PLA2G6: variants seen among roughly 807,000 people sequenced by gnomAD.
The protein encoded by PLA2G6 is 85/88 kDa calcium-independent phospholipase A2.
Under a neutral mutation model 83.8 loss-of-function variants are expected in PLA2G6, and 62 were observed. That is an observed-to-expected ratio of 0.74 (90% CI 0.60 to 0.91). The LOEUF (loss-of-function observed/expected upper bound fraction) is 0.91, where lower values mean the gene tolerates loss of function less well. PLA2G6 is among the 40% of genes least tolerant of loss of function. The pLI is 0.00. For synonymous variants in PLA2G6, 417 were observed against 449.8 expected (o/e 0.93, Z 0.92); for missense variants, 944 against 1,102.0 (o/e 0.86, Z 2.03).
rs1054417394 is a variant in PLA2G6, at chr22:38,132,421, A to T, written c.1077+410T>A. On this transcript the variant is annotated intron_variant, in intron 7 of 16. Coordinates refer to ENST00000332509, the MANE Select transcript of PLA2G6 (RefSeq NM_003560.4). This position sits in a 1 kb window ranked among gnomAD's most constrained non-coding sequence, Gnocchi z 5.0. ...TGCGTGTGTCACTTAGACATTCTGT[A>T]GAGGGTGACCAAGTGTCCACCATAA... The T allele has an allele frequency of 3.0e-5, 10 of 328,362 alleles. No individual in the cohort carries two copies. The highest frequency in any genetic ancestry group is 2.2e-4 in the African/African-American group (10 of 46,316). The allele number at this position is 328,362 out of a possible 1,614,324, so 20.3% of individuals were successfully genotyped here.
chr22:38,160,933 T>C (rs2089985008), intron 2 of PLA2G6, among the ~76,000 whole-genome samples: 1 of 152,192 alleles, frequency 6.6e-6, no homozygotes, highest in Non-Finnish European at 1.5e-5. Flanking sequence ...TGGGGTGCTG[T>C]AATGTCCTAT....
rs185058063 is a variant in PLA2G6 at position 38,174,342 on chromosome 22, G to A, written c.-45-4871C>T. ...GAACCCGGGAGGCGGAGCTTGCAGTGAGCCGAGATCATGTCACTGCACTCC... is the reference window on the plus strand; with the variant it reads ...GAACCCGGGAGGCGGAGCTTGCAGTAAGCCGAGATCATGTCACTGCACTCC... On this transcript the variant is annotated intron_variant, in intron 1 of 16. Coordinates refer to ENST00000332509, the MANE Select transcript of PLA2G6 (RefSeq NM_003560.4). Among the ~76,000 whole-genome samples the A allele has an allele frequency of 3.9e-5, 6 of 152,246 alleles. No homozygotes were observed. The South Asian group carries it at 6.2e-4, about 16-fold the overall frequency.
chr22:38,163,384 G>A (rs2090093026), intron 2 of PLA2G6: 3 of 168,906 alleles, frequency 1.8e-5, no homozygotes, highest in Admixed American at 6.5e-5. Flanking sequence ...CAGCAACCAT[G>A]GATACATCTA....
rs568407851 is a variant in PLA2G6 at position 38,121,283 on chromosome 22, CAGG to C, written c.1592-377_1592-375del. ...CCCAGCTACTCGGGAGGCTGAGAGG[CAGG>C]AGAATCGCTTGAACCCGGGAGCGGA... On this transcript the variant is annotated intron_variant, in intron 11 of 16. Transcript: ENST00000332509. Among the ~76,000 whole-genome samples, 154 of 152,208 alleles carry C rather than the reference CAGG, an allele frequency of 1.0e-3. 1 individual carries two copies. Among genetic ancestry groups the C allele is most frequent in the African/African-American group, 3.3e-3 (139 of 41,532 alleles).
chr22:38,132,069 C>G lies in PLA2G6; in HGVS notation c.1077+762G>C, dbSNP rs971693000. Reference sequence around the variant, plus strand: ...GGCGGAGGTTGTGGTGAGCCGAGATCGCGCCACTGCACTCCAGCCTGGGCG... The same window carrying G: ...GGCGGAGGTTGTGGTGAGCCGAGATGGCGCCACTGCACTCCAGCCTGGGCG... On this transcript the variant is annotated intron_variant, in intron 7 of 16. Coordinates refer to ENST00000332509, the MANE Select transcript of PLA2G6 (RefSeq NM_003560.4). This position sits in a 1 kb window ranked among gnomAD's most constrained non-coding sequence, Gnocchi z 5.0. 1 of 446,692 alleles carries G rather than the reference C, an allele frequency of 2.2e-6. No homozygotes were observed. Among genetic ancestry groups the G allele is most frequent in the African/African-American group, 2.0e-5 (1 of 49,486 alleles). 27.7% of individuals were successfully genotyped at this position (446,692 alleles called of 1,614,324 possible).
chr22:38,138,426 G>A (rs2088686313), intron 5 of PLA2G6: 1 of 152,326 alleles, frequency 6.6e-6, no homozygotes, highest in South Asian at 2.1e-4. Flanking sequence ...CTAGCAAGGT[G>A]GATGCAGCTC....
chr22:38,148,461 A>G, intron 2 of PLA2G6: 6 of 715,102 alleles, frequency 8.4e-6, no homozygotes, highest in Non-Finnish European at 1.3e-5. Flanking sequence ...GCTGGCAGGC[A>G]CTGGATACCT....
rs548987642 is a variant in PLA2G6, at chr22:38,128,548, C to T, written c.1187-118G>A. The stretch of plus-strand genomic sequence containing the variant: ...TGTCCCAGCTCCCAGGCCCTGGGCA[C>T]GTGGGCTGCTCCAGAGGCCTCAGCC... On this transcript the variant is annotated intron_variant, in intron 8 of 16. Coordinates refer to ENST00000332509, the MANE Select transcript of PLA2G6 (RefSeq NM_003560.4). This position sits in a 1 kb window ranked among gnomAD's most constrained non-coding sequence, Gnocchi z 4.4. The T allele has an allele frequency of 3.4e-5, 39 of 1,141,956 alleles. No homozygotes were observed. In the East Asian group the frequency reaches 6.6e-4, roughly 19 times the overall value. 70.7% of individuals were successfully genotyped at this position (1,141,956 alleles called of 1,614,324 possible). A position where few individuals can be genotyped will look rare whatever the true frequency, so the allele number is the denominator to read the frequency against.
At chr22:38,178,641 G>A (rs2090728501) in intron 1 of PLA2G6, among the ~76,000 whole-genome samples, 2 of 152,128 alleles carry the variant, frequency 1.3e-5, no homozygotes, top group African/African-American at 2.4e-5. Flanking sequence ...GAGGCGGGTG[G>A]ATCACTTGAG....
At chr22:38,114,879 C>T (rs894460825) in intron 14 of PLA2G6, among the ~76,000 whole-genome samples, 2 of 152,208 alleles carry the variant, frequency 1.3e-5, no homozygotes, top group Admixed American at 6.5e-5. Flanking sequence ...GCAGGCAGAA[C>T]GGGGACCCCC....
intron 12 of PLA2G6, among the ~76,000 whole-genome samples, chr22:38,118,305 A>G (rs1371156128): frequency 3.3e-5 from 5 of 152,196 alleles, no homozygotes; most frequent in Non-Finnish European, 7.3e-5. Context: ...TCAGGTGGCC[A>G]TCTATGATTG....
In PLA2G6 at chr22:38,115,616, G is replaced by A. The variant is rs746432450; in HGVS notation, c.1945C>T (p.Arg649Cys). 13 of 1,610,542 alleles carry A rather than the reference G, an allele frequency of 8.1e-6. No individual in the cohort carries two copies. Among genetic ancestry groups the A allele is most frequent in the Middle Eastern group, 1.8e-4 (1 of 5,522 alleles). Residue 649 changes from arginine to cysteine, a missense_variant, in exon 14 of 17, where the codon CGC becomes TGC. Physicochemically the swap from Arg to Cys is radical, Grantham distance 180. Transcript: ENST00000332509. ...AAPTYFRPNGRFLDGGLLANN... is the reference protein window; with the variant it reads ...AAPTYFRPNGCFLDGGLLANN... ...GCCAGCAGCCCACCGTCCAGGAAGCGCCCATTGGGTCGGAAGTAAGTAGGA... is the reference window on the plus strand; with the variant it reads ...GCCAGCAGCCCACCGTCCAGGAAGCACCCATTGGGTCGGAAGTAAGTAGGA...
At chr22:38,135,768 G>A (rs2088513812) in intron 5 of PLA2G6, 1 of 152,270 alleles carries the variant, frequency 6.6e-6, no homozygotes, top group African/African-American at 2.4e-5. Flanking sequence ...AAATTTTTCT[G>A]GCTGGGCGCG....
chr22:38,158,150 A>G (rs2089863529), intron 2 of PLA2G6, among the ~76,000 whole-genome samples: 1 of 151,532 alleles, frequency 6.6e-6, no homozygotes, highest in African/African-American at 2.4e-5. Flanking sequence ...CATTGGGTCA[A>G]GATATTTTCT....
At chr22:38,155,087 C>A (rs751747799) in intron 2 of PLA2G6, among the ~76,000 whole-genome samples, 18 of 152,026 alleles carry the variant, frequency 1.2e-4, no homozygotes, top group Admixed American at 9.2e-4. Flanking sequence ...ATTAGCCAGG[C>A]GTGGTGGCGG....
intron 2 of PLA2G6, among the ~76,000 whole-genome samples, chr22:38,155,839 T>C (rs58901312): frequency 0.066 from 10,032 of 152,126 alleles, 563 homozygotes; most frequent in East Asian, 0.31. Flanking sequence ...AGTAATAACA[T>C]TGAACATAAA....
At chr22:38,114,168 C>A (rs971823079) in intron 14 of PLA2G6, among the ~76,000 whole-genome samples, 40 of 150,676 alleles carry the variant, frequency 2.7e-4, no homozygotes, top group African/African-American at 9.5e-4. Flanking sequence ...TGAACCTGAG[C>A]CCTGGGTGCT....
chr22:38,151,470 G>C (rs945666591), intron 2 of PLA2G6, among the ~76,000 whole-genome samples: 1 of 152,030 alleles, frequency 6.6e-6, no homozygotes, highest in African/African-American at 2.4e-5. Context: ...GGAAATCCTG[G>C]GCTCAAGCGA....
At chr22:38,153,962 C>G (rs132955) in intron 2 of PLA2G6, among the ~76,000 whole-genome samples, 52 of 152,134 alleles carry the variant, frequency 3.4e-4, no homozygotes, top group African/African-American at 1.1e-3. Context: ...CCTGGCAGCA[C>G]TGCCACAGGG....
Sources: gnomAD v4.1 joint callset for allele counts (sites outside exome capture counted in the v4.1 genomes callset) on GRCh38, gnomAD v4.1.1 for gene constraint, Gnocchi (gnomAD v3.1) non-coding constraint, MANE v1.5 for transcripts, NCBI Gene and HGNC (gene_info 2026-07-23, HGNC 2026-07-21) for gene names.